The following DMD variants were observed in gnomAD, a reference collection of about 807,000 sequenced individuals.
DMD encodes the protein dystrophin.
A neutral mutation model predicts 330.1 loss-of-function variants in DMD; 63 were observed. The ratio of observed to expected loss-of-function variants is 0.19; its 90% CI spans 0.16 to 0.24. The LOEUF (loss-of-function observed/expected upper bound fraction) is 0.24, where lower values mean the gene tolerates loss of function less well. Among genes scored for constraint, DMD ranks in the 10% least tolerant of loss-of-function variants. The pLI is 1.00. For synonymous variants in DMD, 1,223 were observed against 959.8 expected, an observed-to-expected ratio of 1.27 and a Z score of -5.07; for missense variants, 3,344 against 2,684.1, an observed-to-expected ratio of 1.25 and a Z score of -5.43.
At chrX:32,549,131 C>G (rs1475676017) in intron 16 of DMD, among the ~76,000 whole-genome samples, 1 of 111,868 alleles carries the variant, frequency 8.9e-6, no homozygotes, top group Non-Finnish European at 1.9e-5. Flanking sequence ...CTTGTCTTTA[C>G]ATTTGGGAGC....
At chrX:31,442,611 T>C (rs565873787) in intron 60 of DMD, among the ~76,000 whole-genome samples, 2 of 111,294 alleles carry the variant, frequency 1.8e-5, no homozygotes, top group Non-Finnish European at 3.8e-5. Flanking sequence ...TACCTGCCAC[T>C]GTCACAAATC....
At chrX:32,213,867 G>T (rs770632954) in intron 44 of DMD, among the ~76,000 whole-genome samples, 2 of 110,076 alleles carry the variant, frequency 1.8e-5, no homozygotes, top group South Asian at 7.9e-4. Context: ...CCAGCTACTC[G>T]GGAGGCTAAG....
intron 47 of DMD, among the ~76,000 whole-genome samples, chrX:31,899,615 C>T (rs150883552): frequency 9.0e-6 from 1 of 110,839 alleles, no homozygotes; most frequent in Non-Finnish European, 1.9e-5. Context: ...GGTGGGAAGG[C>T]CTGCAAAATT....
At chrX:32,736,659 C>T (rs1333536054) in intron 7 of DMD, among the ~76,000 whole-genome samples, 11 of 107,496 alleles carry the variant, frequency 1.0e-4, no homozygotes, top group Non-Finnish European at 1.7e-4. Flanking sequence ...AGTAAACTAT[C>T]GCAAGAACAA....
intron 41 of DMD, among the ~76,000 whole-genome samples, chrX:32,341,683 G>A (rs1003682456): frequency 1.8e-5 from 2 of 111,500 alleles, no homozygotes; most frequent in Non-Finnish European, 3.8e-5. Context: ...GATGTACCAT[G>A]AAATATTTAT....
chrX:32,731,268 C>A (rs185215033), intron 7 of DMD, among the ~76,000 whole-genome samples: 156 of 112,364 alleles, frequency 1.4e-3, no homozygotes, highest in African/African-American at 4.8e-3. Context: ...CCTACCCCAA[C>A]GGAATCTCGC....
chrX:31,926,963 T>C (rs1404292064), intron 47 of DMD, among the ~76,000 whole-genome samples: 1 of 111,408 alleles, frequency 9.0e-6, no homozygotes, highest in African/African-American at 3.3e-5. Flanking sequence ...CCTCCTGTAA[T>C]AAGTAAGAGC....
At chrX:31,487,261 A>ATTT (rs780359409) in intron 57 of DMD, among the ~76,000 whole-genome samples, 1 of 101,086 alleles carries the variant, frequency 9.9e-6, no homozygotes. Flanking sequence ...CTGTTAACAC[A>ATTT]TTTTTTTTTT....
chrX:32,672,534 C>A (rs2061694259), intron 9 of DMD, among the ~76,000 whole-genome samples: 1 of 110,473 alleles, frequency 9.1e-6, no homozygotes, highest in Non-Finnish European at 1.9e-5. Context: ...CAATTAATCA[C>A]CTCCCCAATC....
intron 62 of DMD, among the ~76,000 whole-genome samples, chrX:31,296,693 T>C (rs755811114): frequency 8.9e-6 from 1 of 112,300 alleles, no homozygotes; most frequent in African/African-American, 3.2e-5. Context: ...ACATGGTTCA[T>C]AGCTGCAATT....
At chrX:31,512,359 C>T (rs1310653525) in intron 55 of DMD, among the ~76,000 whole-genome samples, 1 of 105,485 alleles carries the variant, frequency 9.5e-6, no homozygotes, top group Non-Finnish European at 2.0e-5. Flanking sequence ...TTTGTCAATT[C>T]TGGCTTTTGT....
intron 60 of DMD, among the ~76,000 whole-genome samples, chrX:31,419,257 T>G (rs760207331): frequency 1.9e-5 from 2 of 103,997 alleles, no homozygotes; most frequent in Non-Finnish European, 3.9e-5. Flanking sequence ...TAGATACTGT[T>G]AAGGCAGGCA....
At chrX:32,937,723 G>C (rs1273866564) in intron 2 of DMD, among the ~76,000 whole-genome samples, 1 of 109,006 alleles carries the variant, frequency 9.2e-6, no homozygotes, top group East Asian at 2.9e-4. Context: ...AATCACATTA[G>C]TATTTTACAG....
chrX:31,708,974 T>C (rs951014503), intron 52 of DMD, among the ~76,000 whole-genome samples: 1 of 112,242 alleles, frequency 8.9e-6, no homozygotes, highest in Non-Finnish European at 1.9e-5. Flanking sequence ...TTTGCAGTTC[T>C]AAAGAGAGTA....
At chrX:32,954,076 A>G (rs1193633510) in intron 2 of DMD, among the ~76,000 whole-genome samples, 1 of 112,347 alleles carries the variant, frequency 8.9e-6, no homozygotes, top group Non-Finnish European at 1.9e-5. Flanking sequence ...AACATGATAG[A>G]AAAGAATCAA....
At chrX:31,518,055 C>T (rs1304882292) in intron 55 of DMD, among the ~76,000 whole-genome samples, 1 of 109,742 alleles carries the variant, frequency 9.1e-6, no homozygotes, top group Non-Finnish European at 1.9e-5. Context: ...CAGGTGACTC[C>T]CACCTAAAAT....
intron 54 of DMD, among the ~76,000 whole-genome samples, chrX:31,643,573 C>T (rs1341529002): frequency 1.8e-5 from 2 of 111,805 alleles, no homozygotes; most frequent in East Asian, 5.6e-4. Flanking sequence ...GAACTAATAA[C>T]ATTGCACATT....
chrX:32,335,703 C>CATAACATATACATAATATGTATAT (rs2097706084), intron 41 of DMD, among the ~76,000 whole-genome samples: 1 of 106,007 alleles, frequency 9.4e-6, no homozygotes, highest in African/African-American at 3.4e-5. Context: ...ATGTTATATA[C>CATAACATATACATAATATGTATAT]ATAACATGTA....
intron 57 of DMD, among the ~76,000 whole-genome samples, chrX:31,487,398 C>G (rs779275553): frequency 2.0e-3 from 217 of 110,460 alleles, no homozygotes; most frequent in Middle Eastern, 4.3e-3. Flanking sequence ...GTAGCTGGGA[C>G]TACAGGTGCC....
Sources: gnomAD v4.1 joint callset for allele counts (sites outside exome capture counted in the v4.1 genomes callset) on GRCh38, gnomAD v4.1.1 for gene constraint, MANE v1.5 for transcripts, NCBI Gene and HGNC (gene_info 2026-07-23, HGNC 2026-07-21) for gene names.